Variants in DNASE1L3 observed in about 807,000 individuals in gnomAD.
The protein encoded by DNASE1L3 is deoxyribonuclease 1L3, also known as deoxyribonuclease gamma.
A neutral mutation model predicts 30.9 loss-of-function variants in DNASE1L3; 27 were observed. The observed-to-expected ratio is 0.87, with a 90% CI of 0.64 to 1.20. DNASE1L3 has a LOEUF of 1.20. Among genes scored for constraint, DNASE1L3 ranks in the 50% most tolerant of loss-of-function variants. DNASE1L3 has a pLI of 0.00. For synonymous variants in DNASE1L3, 135 were observed against 138.0 expected (o/e 0.98, Z 0.15); for missense variants, 364 against 378.2 (o/e 0.96, Z 0.31).
Position 58,197,598 on chromosome 3 carries a change from G to A in DNASE1L3, c.704+223C>T, listed in dbSNP as rs1409330669. ...CTCCTGAGTAGCTGGGAGTATAGGT[G>A]TGTGCCACCATGCCTGGCTAATTTT... On this transcript the variant is annotated intron_variant, in intron 6 of 7. Transcript: ENST00000394549. The surrounding 1 kb of genome is among the most constrained non-coding windows in gnomAD (Gnocchi z 5.3). Among the ~76,000 whole-genome samples the A allele has an allele frequency of 6.6e-6, 1 of 152,176 alleles. No homozygotes were observed. Among genetic ancestry groups the A allele is most frequent in the Non-Finnish European group, 1.5e-5 (1 of 68,034 alleles).
At chr3:58,205,339 G>C in intron 3 of DNASE1L3, 132 bp downstream of exon 3, 1 of 822,980 alleles carries the variant, frequency 1.2e-6, no homozygotes, top group East Asian at 2.5e-5. Flanking sequence ...CCCTAGTTTT[G>C]ACAGCAATTA....
Position 58,192,799 on chromosome 3 carries a change from A to G in DNASE1L3, c.806T>C (p.Leu269Pro). 6.2e-7 allele frequency: 1 copy of G among 1,612,496 alleles called. No individual in the cohort carries two copies. Among genetic ancestry groups the G allele is most frequent in the African/African-American group, 1.3e-5 (1 of 74,918 alleles). The part of the protein sequence containing the change: ...KAYKLTEEEA[L>P]DVSDHFPVEF... Reference sequence around the variant, plus strand: ...AACTGGAAAGTGGTCGCTGACATCCAGGGCCTATAAGGAGAAAGGGGAGGT... The same window carrying G: ...AACTGGAAAGTGGTCGCTGACATCCGGGGCCTATAAGGAGAAAGGGGAGGT... Residue 269 changes from leucine (L) to proline (P), a missense_variant, in exon 8 of 8, where the codon CTG (leucine) becomes CCG (proline). Leu to Pro is a moderately conservative substitution (Grantham distance 98). Coordinates refer to ENST00000394549, the MANE Select transcript of DNASE1L3 (RefSeq NM_004944.4). This position sits in a 1 kb window ranked among gnomAD's most constrained non-coding sequence, Gnocchi z 4.8.
In DNASE1L3 at chr3:58,197,700, A is replaced by G; in HGVS notation, c.704+121T>C. The G allele has an allele frequency of 3.7e-6, 5 of 1,362,678 alleles. No individual in the cohort carries two copies. Among genetic ancestry groups the G allele is most frequent in the Non-Finnish European group, 5.1e-6 (5 of 974,968 alleles). 84.4% of individuals were successfully genotyped at this position (1,362,678 alleles called of 1,614,324 possible). A position where few individuals can be genotyped will look rare whatever the true frequency, so the allele number is the denominator to read the frequency against. On this transcript the variant is annotated intron_variant, in intron 6 of 7. Coordinates refer to ENST00000394549, the MANE Select transcript of DNASE1L3 (RefSeq NM_004944.4). This position sits in a 1 kb window ranked among gnomAD's most constrained non-coding sequence, Gnocchi z 5.3. Reference sequence around the variant, plus strand: ...ACTCCTGTACTCAAGCGATCCATCCATCGAGGCCTCCCAAAGTGCTAGGAC... The same window carrying G: ...ACTCCTGTACTCAAGCGATCCATCCGTCGAGGCCTCCCAAAGTGCTAGGAC...
rs753131116 is a variant in DNASE1L3, at chr3:58,205,424, C to T, written c.320+47G>A. On this transcript the variant is annotated intron_variant, in intron 3 of 7. Transcript: ENST00000394549. Reference sequence around the variant, plus strand: ...AAAAGACATGCATTTTGATTCAATTCACGATTTATTGGTGGCCATGTTCCA... The same window carrying T: ...AAAAGACATGCATTTTGATTCAATTTACGATTTATTGGTGGCCATGTTCCA... 3 of 1,517,902 alleles carry T rather than the reference C, an allele frequency of 2.0e-6. No individual in the cohort carries two copies. The African/African-American group carries it at 4.1e-5, about 21-fold the overall frequency. 94.0% of individuals were successfully genotyped at this position (1,517,902 alleles called of 1,614,324 possible). A position where few individuals can be genotyped will look rare whatever the true frequency, so the allele number is the denominator to read the frequency against.
rs2097394883 is a variant in DNASE1L3 at position 58,192,595 on chromosome 3, C to T, written c.*92G>A. The T allele has an allele frequency of 7.5e-7, 1 of 1,330,402 alleles. No homozygotes were observed. Among genetic ancestry groups the T allele is most frequent in the South Asian group, 1.4e-5 (1 of 69,254 alleles). 82.4% of individuals were successfully genotyped at this position (1,330,402 alleles called of 1,614,324 possible). ...TCAAAAAATGAAAGCAGTTGGATCA[C>T]TCTTGTTTCCTAAGTACAGGGAGCA... is the stretch of plus-strand genomic sequence containing the variant. On this transcript the variant is annotated 3_prime_UTR_variant, in exon 8 of 8. Coordinates refer to ENST00000394549, the MANE Select transcript of DNASE1L3 (RefSeq NM_004944.4). The surrounding 1 kb of genome is among the most constrained non-coding windows in gnomAD (Gnocchi z 4.8).
Position 58,192,720 on chromosome 3 carries a change from A to T in DNASE1L3, c.885T>A (p.Thr295=), listed in dbSNP as rs1345395618. 1 of 1,614,138 alleles carries T rather than the reference A, an allele frequency of 6.2e-7. No homozygotes were observed. Among genetic ancestry groups the T allele is most frequent in the Admixed American group, 1.7e-5 (1 of 60,022 alleles). ...RAFTNSKKSV[T]LRKKTKSKRS ...GTTTGCTCTTTGTTTTCTTCCTTAG[A>T]GTGACAGATTTTTTGCTGTTGGTGA... The change falls in exon 8 of 8, where the codon ACT becomes ACA. Residue 295 remains threonine, a synonymous_variant. Transcript: ENST00000394549. This position sits in a 1 kb window ranked among gnomAD's most constrained non-coding sequence, Gnocchi z 4.8.
intron 4 of DNASE1L3, among the ~76,000 whole-genome samples, chr3:58,203,789 G>A (rs1211087965): frequency 6.6e-6 from 1 of 152,090 alleles, no homozygotes; most frequent in Non-Finnish European, 1.5e-5. Context: ...GACAGAGCAA[G>A]GCCCTATCTC....
At chr3:58,210,296 AAG>A (rs756541491) in intron 1 of DNASE1L3, among the ~76,000 whole-genome samples, 243 of 152,202 alleles carry the variant, frequency 1.6e-3, no homozygotes, top group Middle Eastern at 6.8e-3. Context: ...AAGAAAAGGA[AAG>A]AGAGAGAAAG....
intron 4 of DNASE1L3, among the ~76,000 whole-genome samples, chr3:58,202,215 G>A (rs1354524624): frequency 4.0e-5 from 6 of 148,378 alleles, no homozygotes; most frequent in African/African-American, 7.5e-5. Flanking sequence ...GCACAATTTC[G>A]GCTCACTGCA....
chr3:58,193,466 G>T (rs759275938), intron 6 of DNASE1L3, 27 bp from the exon 7 acceptor site: 8 of 1,584,026 alleles, frequency 5.1e-6, no homozygotes, highest in Middle Eastern at 3.3e-4. Flanking sequence ...GAAAACAGTT[G>T]TGTTAATCCA....
chr3:58,197,641 C>T lies in DNASE1L3; in HGVS notation c.704+180G>A, dbSNP rs964496001. On this transcript the variant is annotated intron_variant, in intron 6 of 7. Transcript: ENST00000394549. The surrounding 1 kb of genome is among the most constrained non-coding windows in gnomAD (Gnocchi z 5.3). ...CTAATTTTTGTATTTTTTGTAGAGACGGGGTTTCATCATGTTGCCCAGGCT... is the reference window on the plus strand; with the variant it reads ...CTAATTTTTGTATTTTTTGTAGAGATGGGGTTTCATCATGTTGCCCAGGCT... Among the ~76,000 whole-genome samples the T allele has an allele frequency of 1.8e-4, 27 of 151,916 alleles. No individual in the cohort carries two copies. Among genetic ancestry groups the T allele is most frequent in the African/African-American group, 5.8e-4 (24 of 41,344 alleles).
Position 58,210,757 on chromosome 3 carries a change from G to T in DNASE1L3, c.141+9C>A. 6.2e-7 allele frequency: 1 copy of T among 1,614,088 alleles called. No individual in the cohort carries two copies. The highest frequency in any genetic ancestry group is 8.5e-7 in the Non-Finnish European group (1 of 1,179,982). On this transcript the variant is annotated intron_variant, in intron 1 of 7. Coordinates refer to ENST00000394549, the MANE Select transcript of DNASE1L3 (RefSeq NM_004944.4). ...TGTCTGGGATCCTCCTCCCAGGAAA[G>T]GGGCTCACCTTCACAATGACATCCA...
intron 5 of DNASE1L3, among the ~76,000 whole-genome samples, chr3:58,199,221 G>A (rs1439563527): frequency 6.6e-6 from 1 of 152,182 alleles, no homozygotes; most frequent in Non-Finnish European, 1.5e-5. Flanking sequence ...CATTCACTAT[G>A]TGCCAGGCCT....
chr3:58,206,012 C>T (rs912705509), intron 2 of DNASE1L3, among the ~76,000 whole-genome samples: 25 of 152,194 alleles, frequency 1.6e-4, no homozygotes, highest in African/African-American at 5.8e-4. Context: ...TGTCCGTGTC[C>T]ACGAACCACT....
intron 6 of DNASE1L3, among the ~76,000 whole-genome samples, chr3:58,194,006 TG>T (rs2097395716): frequency 6.6e-6 from 1 of 152,252 alleles, no homozygotes; most frequent in Non-Finnish European, 1.5e-5. Context: ...GCTAGTATCA[TG>T]AAATTTCTTT....
intron 5 of DNASE1L3, among the ~76,000 whole-genome samples, chr3:58,198,271 A>C (rs2097398602): frequency 6.6e-6 from 1 of 152,224 alleles, no homozygotes; most frequent in Middle Eastern, 3.2e-3. Flanking sequence ...TCTTGTAAAA[A>C]GGGGAAATTA....
intron 6 of DNASE1L3, among the ~76,000 whole-genome samples, chr3:58,196,239 G>A (rs1362240621): frequency 2.0e-5 from 3 of 151,928 alleles, no homozygotes; most frequent in African/African-American, 7.3e-5. Flanking sequence ...GGAAACACCA[G>A]CCTCAAAAGC....
intron 2 of DNASE1L3, among the ~76,000 whole-genome samples, chr3:58,207,456 ACC>A (rs766848147): frequency 0.45 from 18,050 of 39,760 alleles, 2,216 homozygotes; most frequent in African/African-American, 0.53. Context: ...CCCCCCCCCC[ACC>A]AGAAGTAACC....
chr3:58,194,774 C>T (rs1403715275), intron 6 of DNASE1L3, among the ~76,000 whole-genome samples: 2 of 149,580 alleles, frequency 1.3e-5, no homozygotes, highest in African/African-American at 2.5e-5. Flanking sequence ...TACAGGTGCC[C>T]GGCACCACGC....
Sources: gnomAD v4.1 joint callset for allele counts (sites outside exome capture counted in the v4.1 genomes callset) on GRCh38, gnomAD v4.1.1 for gene constraint, Gnocchi (gnomAD v3.1) non-coding constraint, MANE v1.5 for transcripts, NCBI Gene and HGNC (gene_info 2026-07-23, HGNC 2026-07-21) for gene names.